Variants in RFX4 observed in about 807,000 individuals in gnomAD.
RFX4 encodes the protein transcription factor RFX4.
In RFX4, 10 loss-of-function variants were observed where a neutral mutation model predicts 95.0. The ratio of observed to expected loss-of-function variants is 0.11; its 90% confidence interval spans 0.06 to 0.18. RFX4 has a LOEUF of 0.18. Ranked by LOEUF, RFX4 falls within the 10% of genes least tolerant of loss-of-function variation. The pLI, the probability that RFX4 is intolerant of heterozygous loss-of-function variation, is 1.00. For missense variants in RFX4, 640 were observed against 922.0 expected, an observed-to-expected ratio of 0.69 and a Z score of 3.96; for synonymous variants, 321 against 340.7, an observed-to-expected ratio of 0.94 and a Z score of 0.64.
At chr12:106,646,982 GTTTGT>G (rs1036746180) in intron 3 of RFX4, among the ~76,000 whole-genome samples, 1 of 152,028 alleles carries the variant, frequency 6.6e-6, no homozygotes, top group African/African-American at 2.4e-5. Flanking sequence ...TTGTTTTTTT[GTTTGT>G]TTTATTTTGC....
chr12:106,636,390 C>CAAAAAA (rs34305367), intron 2 of RFX4, among the ~76,000 whole-genome samples: 1 of 76,870 alleles, frequency 1.3e-5, no homozygotes, highest in Admixed American at 1.4e-4. Flanking sequence ...AACTCTGTCT[C>CAAAAAA]AAAAAAAAAA....
At chr12:106,715,587 AAAAG>A in intron 11 of RFX4, 43 bp downstream of exon 11, 2 of 1,600,522 alleles carry the variant, frequency 1.2e-6, no homozygotes, top group Non-Finnish European at 1.7e-6. Context: ...TTTTATTTTT[AAAAG>A]AAAGAAAAAG....
intron 2 of RFX4, among the ~76,000 whole-genome samples, chr12:106,634,978 A>G (rs1246751528): frequency 6.6e-6 from 1 of 152,244 alleles, no homozygotes; most frequent in Non-Finnish European, 1.5e-5. Flanking sequence ...CCCAGTGCCT[A>G]GTTGGCACAA....
intron 4 of RFX4, among the ~76,000 whole-genome samples, chr12:106,659,226 GC>G (rs1317292464): frequency 3.3e-5 from 5 of 152,020 alleles, no homozygotes; most frequent in Non-Finnish European, 7.4e-5. Flanking sequence ...CCCTAGCCCA[GC>G]TGGGGTCTGG....
At chr12:106,706,424 T>G (rs993761416) in intron 8 of RFX4, among the ~76,000 whole-genome samples, 39 of 152,162 alleles carry the variant, frequency 2.6e-4, no homozygotes, top group Non-Finnish European at 4.4e-4. Flanking sequence ...TAAGTCCGGA[T>G]GAGAGATGAC....
At chr12:106,702,092 T>C (rs1465265602) in intron 8 of RFX4, among the ~76,000 whole-genome samples, 3 of 152,214 alleles carry the variant, frequency 2.0e-5, no homozygotes, top group Non-Finnish European at 4.4e-5. Flanking sequence ...CCTCTGTTCA[T>C]GCTTGTTTAC....
At chr12:106,606,278 G>T (rs2039831888) in intron 1 of RFX4, among the ~76,000 whole-genome samples, 2 of 151,796 alleles carry the variant, frequency 1.3e-5, no homozygotes, top group African/African-American at 4.8e-5. Flanking sequence ...GAGTGTGTGT[G>T]TGAGAGTGAC....
At chr12:106,756,014 G>A (rs907443900) in intron 17 of RFX4, among the ~76,000 whole-genome samples, 1 of 152,152 alleles carries the variant, frequency 6.6e-6, no homozygotes, top group Non-Finnish European at 1.5e-5. Flanking sequence ...ATATGTGTAT[G>A]CCCTTGTTTA....
chr12:106,738,457 T>A (rs1211377414), intron 15 of RFX4, among the ~76,000 whole-genome samples: 1 of 152,194 alleles, frequency 6.6e-6, no homozygotes, highest in East Asian at 1.9e-4. Flanking sequence ...AGGCCTCAAG[T>A]TATGGCAGGT....
At chr12:106,741,882 T>A (rs1391798831) in intron 15 of RFX4, among the ~76,000 whole-genome samples, 1 of 152,172 alleles carries the variant, frequency 6.6e-6, no homozygotes, top group African/African-American at 2.4e-5. Context: ...GTGTGCAACC[T>A]AGATCCCTTG....
chr12:106,682,098 G>A, intron 5 of RFX4, 44 bp downstream of exon 5: 1 of 1,600,558 alleles, frequency 6.2e-7, no homozygotes. Flanking sequence ...GCACATCTAT[G>A]GGCCTCGAGA....
intron 17 of RFX4, among the ~76,000 whole-genome samples, chr12:106,757,249 C>G (rs1393148364): frequency 6.6e-6 from 1 of 152,184 alleles, no homozygotes; most frequent in Non-Finnish European, 1.5e-5. Context: ...AAAGGCTCAG[C>G]AGCAGAGGGA....
chr12:106,625,937 C>T (rs1449245302), intron 2 of RFX4, among the ~76,000 whole-genome samples: 2 of 152,180 alleles, frequency 1.3e-5, no homozygotes, highest in East Asian at 3.8e-4. Context: ...TAATTTAGAG[C>T]TATCTGATTT....
intron 4 of RFX4, among the ~76,000 whole-genome samples, chr12:106,664,559 C>T (rs768579993): frequency 8.6e-5 from 13 of 151,658 alleles, no homozygotes; most frequent in Non-Finnish European, 1.6e-4. Flanking sequence ...TCATTGACTT[C>T]TGCTCTAATT....
intron 4 of RFX4, among the ~76,000 whole-genome samples, chr12:106,657,055 G>A (rs555363905): frequency 2.0e-5 from 3 of 152,298 alleles, no homozygotes; most frequent in Non-Finnish European, 2.9e-5. Context: ...CCTGCTAAGG[G>A]TTTCCACACT....
rs765312213 is a variant in RFX4, at chr12:106,709,440, G to C, written c.934+10G>C. 14 of 1,601,544 alleles carry C rather than the reference G, an allele frequency of 8.7e-6. No individual in the cohort carries two copies. The East Asian group carries it at 3.1e-4, about 36-fold the overall frequency. ...AACATCAAGTTCGAATGTAAGTACT[G>C]AGTTGAGAGCGGGATGGAAGAGAGA... On this transcript the variant is annotated intron_variant, in intron 9 of 17. Coordinates refer to ENST00000392842, the MANE Select transcript of RFX4 (RefSeq NM_213594.3).
rs981774908 is a variant in RFX4 at position 106,720,296 on chromosome 12, G to GT, written c.1233+249dup. Among the ~76,000 whole-genome samples, 7 of 152,318 alleles carry GT rather than the reference G, an allele frequency of 4.6e-5. No individual in the cohort carries two copies. In the South Asian group the frequency reaches 6.2e-4, roughly 14 times the overall value. On this transcript the variant is annotated intron_variant, in intron 12 of 17. Transcript: ENST00000392842. This position sits in a 1 kb window ranked among gnomAD's most constrained non-coding sequence, Gnocchi z 4.2. Reference sequence around the variant, plus strand: ...TTGGTATAAGATTTCATTTTTTAAAGTTTTTTTGCTGCTACAAACAAAACA... The same window carrying GT: ...TTGGTATAAGATTTCATTTTTTAAAGTTTTTTTTGCTGCTACAAACAAAACA...
chr12:106,694,220 C>T (rs138518445), intron 7 of RFX4, among the ~76,000 whole-genome samples: 1 of 152,216 alleles, frequency 6.6e-6, no homozygotes, highest in South Asian at 2.1e-4. Flanking sequence ...CCACTTCTCT[C>T]CTAGGAAGTC....
At chr12:106,584,337 T>C (rs1000908263) in intron 1 of RFX4, among the ~76,000 whole-genome samples, 53 of 152,214 alleles carry the variant, frequency 3.5e-4, no homozygotes, top group African/African-American at 1.2e-3. Flanking sequence ...CTAGGCTCAT[T>C]CTTGCAACCC....
Sources: gnomAD v4.1 joint callset for allele counts (sites outside exome capture counted in the v4.1 genomes callset) on GRCh38, gnomAD v4.1.1 for gene constraint, Gnocchi (gnomAD v3.1) non-coding constraint, MANE v1.5 for transcripts, NCBI Gene and HGNC (gene_info 2026-07-23, HGNC 2026-07-21) for gene names.